Variants in GALNT13 observed in about 807,000 individuals in gnomAD.
The protein encoded by GALNT13 is polypeptide N-acetylgalactosaminyltransferase 13.
In GALNT13, 28 loss-of-function variants were observed where a neutral mutation model predicts 64.2. That is an observed-to-expected ratio of 0.44 (90% confidence interval 0.32 to 0.60). The LOEUF (loss-of-function observed/expected upper bound fraction) is 0.60. Ranked by LOEUF, GALNT13 falls within the 20% of genes least tolerant of loss-of-function variation. The probability of loss-of-function intolerance (pLI) is 0.05; values close to 1 mark genes in which losing one functional copy is unlikely to be tolerated. For synonymous variants in GALNT13, 214 were observed against 224.6 expected, an observed-to-expected ratio of 0.95 and a Z score of 0.42; for missense variants, 577 against 669.8, an observed-to-expected ratio of 0.86 and a Z score of 1.53.
chr2:153,485,526 A>T, the GALNT13 span, among the ~76,000 whole-genome samples: 1 of 152,208 alleles, frequency 6.6e-6, no homozygotes, highest in Non-Finnish European at 1.5e-5. Context: ...CAGTCCATCA[A>T]TAGGTAAATA....
At position 153,963,729 on chromosome 2, in the gene GALNT13, CTCTGTGTGTGTGTGTG is replaced by C. The variant is rs1426207308; in HGVS notation, c.142+19092_142+19107del. ...TCTCTCCGTCTCTCTCTCTCTCTCT[CTCTGTGTGTGTGTGTG>C]TGTGTGTGTGTGTGTGTGTGTGTGT... On this transcript the variant is annotated intron_variant, in intron 3 of 12. Transcript: ENST00000392825. Among the ~76,000 whole-genome samples the C allele has an allele frequency of 7.3e-3, 858 of 117,216 alleles. 5 individuals are homozygous for C. The highest frequency in any genetic ancestry group is 0.026 in the African/African-American group (766 of 29,642). 76.9% of individuals were successfully genotyped at this position (117,216 alleles called of 152,430 possible).
chr2:153,402,697 C>A, the GALNT13 span, among the ~76,000 whole-genome samples: 1 of 152,160 alleles, frequency 6.6e-6, no homozygotes, highest in Admixed American at 6.5e-5. Context: ...ATTGCTGATA[C>A]CCTTTCTTCC....
the GALNT13 span, among the ~76,000 whole-genome samples, chr2:153,657,442 C>G: frequency 2.0e-5 from 3 of 151,916 alleles, no homozygotes; most frequent in East Asian, 5.8e-4. Context: ...TGTGCCTTAC[C>G]CACATTTAAT....
intron 3 of GALNT13, among the ~76,000 whole-genome samples, chr2:154,115,533 A>C (rs923924008): frequency 3.3e-5 from 5 of 151,822 alleles, no homozygotes; most frequent in Admixed American, 3.3e-4. Flanking sequence ...TGATTCTCCT[A>C]CCTCAGCCCC....
intron 4 of GALNT13, among the ~76,000 whole-genome samples, chr2:154,224,445 G>T (rs953698369): frequency 3.3e-5 from 5 of 151,548 alleles, no homozygotes; most frequent in African/African-American, 1.2e-4. Flanking sequence ...TGAATAAAGG[G>T]GCTCACAAGA....
chr2:153,933,621 G>A (rs1690687187), intron 2 of GALNT13, among the ~76,000 whole-genome samples: 1 of 151,200 alleles, frequency 6.6e-6, no homozygotes, highest in South Asian at 2.1e-4. Context: ...ATTTGATCCT[G>A]TCATCATGTT....
chr2:153,102,024 T>G, the GALNT13 span, among the ~76,000 whole-genome samples: 1 of 152,248 alleles, frequency 6.6e-6, no homozygotes, highest in Non-Finnish European at 1.5e-5. Flanking sequence ...TTTATTTTTA[T>G]GCATTTTGTG....
At chr2:153,959,558 G>A (rs1417230975) in intron 3 of GALNT13, among the ~76,000 whole-genome samples, 1 of 152,200 alleles carries the variant, frequency 6.6e-6, no homozygotes, top group East Asian at 1.9e-4. Flanking sequence ...GTGTTTCAAG[G>A]CACCGAAACT....
intron 7 of GALNT13, among the ~76,000 whole-genome samples, chr2:154,257,961 C>T (rs1489410480): frequency 6.6e-6 from 1 of 152,066 alleles, no homozygotes; most frequent in African/African-American, 2.4e-5. Flanking sequence ...ATACCAAAGT[C>T]GGGCCCCACC....
chr2:154,098,196 TATG>T (rs56935393), intron 3 of GALNT13, among the ~76,000 whole-genome samples: 4,146 of 151,078 alleles, frequency 0.027, 223 homozygotes, highest in African/African-American at 0.096. Context: ...GCCATTACCA[TATG>T]ATGATGTTAC....
chr2:154,423,298 A>G (rs1427899497), intron 11 of GALNT13, among the ~76,000 whole-genome samples: 1 of 151,850 alleles, frequency 6.6e-6, no homozygotes, highest in East Asian at 1.9e-4. Context: ...CATTTTCTTA[A>G]TCCAGTCTAT....
chr2:153,669,715 G>A, the GALNT13 span, among the ~76,000 whole-genome samples: 1 of 152,220 alleles, frequency 6.6e-6, no homozygotes, highest in African/African-American at 2.4e-5. Flanking sequence ...GCAGGGTGGG[G>A]CATTGCCTCA....
the GALNT13 span, chr2:153,420,638 A>G: frequency 4.6e-6 from 1 of 216,316 alleles, no homozygotes; most frequent in African/African-American, 2.3e-5. Context: ...TTCTGGAAGT[A>G]TGACATGCTG....
At chr2:153,250,820 G>T in the GALNT13 span, among the ~76,000 whole-genome samples, 2 of 151,966 alleles carry the variant, frequency 1.3e-5, no homozygotes, top group African/African-American at 4.8e-5. Context: ...AGTGGGAGTT[G>T]AACAATGAAA....
chr2:154,233,669 T>C (rs914309882), intron 4 of GALNT13, among the ~76,000 whole-genome samples: 1 of 152,164 alleles, frequency 6.6e-6, no homozygotes, highest in African/African-American at 2.4e-5. Flanking sequence ...ATGTTAGCCA[T>C]TTATAACTGC....
At chr2:153,657,241 G>A in the GALNT13 span, among the ~76,000 whole-genome samples, 1 of 152,066 alleles carries the variant, frequency 6.6e-6, no homozygotes, top group Admixed American at 6.6e-5. Context: ...AGGAATGGGG[G>A]ACGTTATTTA....
intron 3 of GALNT13, among the ~76,000 whole-genome samples, chr2:154,043,455 T>TATATATATATATATATATACAC (rs1341373277): frequency 6.7e-5 from 7 of 104,996 alleles, no homozygotes; most frequent in Non-Finnish European, 1.1e-4. Context: ...TATATATATA[T>TATATATATATATATATATACAC]ACACACATGT....
intron 7 of GALNT13, among the ~76,000 whole-genome samples, chr2:154,252,974 T>C (rs766794911): frequency 3.3e-5 from 5 of 152,168 alleles, no homozygotes; most frequent in Admixed American, 6.5e-5. Context: ...TGAAAATTAA[T>C]TGGACCCAGA....
chr2:153,417,730 A>T, the GALNT13 span, among the ~76,000 whole-genome samples: 3 of 152,190 alleles, frequency 2.0e-5, no homozygotes, highest in Admixed American at 1.3e-4. Context: ...CACTTGGAGT[A>T]TATTAAATTT....
Sources: gnomAD v4.1 joint callset for allele counts (sites outside exome capture counted in the v4.1 genomes callset) on GRCh38, gnomAD v4.1.1 for gene constraint, MANE v1.5 for transcripts, NCBI Gene and HGNC (gene_info 2026-07-23, HGNC 2026-07-21) for gene names.